The following ENDOV variants were observed in gnomAD, a reference collection of about 807,000 sequenced individuals.
ENDOV encodes endonuclease V.
ENDOV carries 37 observed loss-of-function variants against 39.4 expected under a neutral mutation model. The ratio of observed to expected loss-of-function variants is 0.94; its 90% CI spans 0.72 to 1.23. ENDOV has a LOEUF of 1.23. Ranked by LOEUF, ENDOV falls within the 50% of genes most tolerant of loss-of-function variation. ENDOV has a pLI of 0.00. For synonymous variants in ENDOV, 186 were observed against 163.4 expected (o/e 1.14, Z -1.05); for missense variants, 441 against 375.7 (o/e 1.17, Z -1.44).
At chr17:80,436,040 C>A (rs1332194835) in intron 9 of ENDOV, 93 bp from the exon 10 acceptor site, 1 of 1,408,998 alleles carries the variant, frequency 7.1e-7, no homozygotes, top group Non-Finnish European at 9.9e-7. Flanking sequence ...CAGGCGCGAG[C>A]CACTGCACCT....
chr17:80,415,440 C>CA, intron 1 of ENDOV, 190 bp downstream of exon 1: 2 of 988,680 alleles, frequency 2.0e-6, no homozygotes, highest in Admixed American at 5.7e-5. Flanking sequence ...GGGCGCGGTT[C>CA]TCGCTTCCGG....
At position 80,415,695 on chromosome 17, in the gene ENDOV, G is replaced by A. The variant is rs768921597; in HGVS notation, c.102G>A (p.Glu34=). ...LKAHVVDRDT[E]AWQRDPAFSG... ...CCCACGTCGTAGACCGGGACACCGAGGCGTGGCAGCGAGACCCCGCCTTCT... is the reference window on the plus strand; with the variant it reads ...CCCACGTCGTAGACCGGGACACCGAAGCGTGGCAGCGAGACCCCGCCTTCT... The change falls in exon 2 of 10, where the codon GAG becomes GAA. Residue 34 remains glutamate, a synonymous_variant. Transcript: ENST00000518137. 1.2e-6 allele frequency: 2 copies of A among 1,612,182 alleles called. No homozygotes were observed. The highest frequency in any genetic ancestry group is 1.7e-6 in the Non-Finnish European group (2 of 1,179,218).
At chr17:80,432,773 G>A (rs921848474) in intron 9 of ENDOV, among the ~76,000 whole-genome samples, 21 of 152,048 alleles carry the variant, frequency 1.4e-4, no homozygotes, top group Admixed American at 1.4e-3. Context: ...TCATGGGGGC[G>A]TGTGGGGGTC....
intron 4 of ENDOV, among the ~76,000 whole-genome samples, chr17:80,423,017 T>C (rs546883311): frequency 7.0e-6 from 1 of 142,598 alleles, no homozygotes; most frequent in South Asian, 2.2e-4. Flanking sequence ...TGGGCTCTTT[T>C]ACTGTTACAT....
Position 80,436,361 on chromosome 17 carries a change from G to A in ENDOV, c.*218G>A, listed in dbSNP as rs189489336. The A allele has an allele frequency of 1.7e-5, 26 of 1,498,240 alleles. No homozygotes were observed. The East Asian group carries it at 5.9e-4, about 34-fold the overall frequency. 92.8% of individuals were successfully genotyped at this position (1,498,240 alleles called of 1,614,324 possible). On this transcript the variant is annotated 3_prime_UTR_variant, in exon 10 of 10. Coordinates refer to ENST00000518137, the MANE Select transcript of ENDOV (RefSeq NM_173627.5). ...GTCCTTGTCTTGTTCCTGATCTTAA[G>A]GGAACGTTTGCAGTCTTTCACCACT... is the stretch of plus-strand genomic sequence containing the variant.
intron 9 of ENDOV, among the ~76,000 whole-genome samples, chr17:80,433,912 T>C (rs2083464575): frequency 6.6e-6 from 1 of 152,252 alleles, no homozygotes; most frequent in South Asian, 2.1e-4. Context: ...GTGAGTAGTT[T>C]ATGTTTGTTT....
intron 8 of ENDOV, among the ~76,000 whole-genome samples, chr17:80,428,911 G>A (rs1016580092): frequency 6.6e-6 from 1 of 152,212 alleles, no homozygotes; most frequent in Non-Finnish European, 1.5e-5. Flanking sequence ...CTACGGCCCT[G>A]TCTGGTCCAA....
At chr17:80,436,107 C>G in intron 9 of ENDOV, 26 bp from the exon 10 acceptor site, 1 of 1,609,046 alleles carries the variant, frequency 6.2e-7, no homozygotes, top group Non-Finnish European at 8.5e-7. Flanking sequence ...TTTTTCTTGC[C>G]TCATTGCTCT....
In ENDOV at chr17:80,415,201, C is replaced by T. The variant is rs769015056; in HGVS notation, c.7C>T (p.Leu3=). 4.3e-6 allele frequency: 7 copies of T among 1,613,208 alleles called. No individual in the cohort carries two copies. Among genetic ancestry groups the T allele is most frequent in the East Asian group, 4.5e-5 (2 of 44,880 alleles). The part of the protein sequence containing the change: MA[L]EAAGGPPEET... ...GGGTGCCCGGGACGAAGCCATGGCCCTGGAGGCGGCGGGAGGGCCGCCGGA... is the reference window on the plus strand; with the variant it reads ...GGGTGCCCGGGACGAAGCCATGGCCTTGGAGGCGGCGGGAGGGCCGCCGGA... The change falls in exon 1 of 10, where the codon CTG becomes TTG. Residue 3 remains leucine, a synonymous_variant. Transcript: ENST00000518137.
intron 8 of ENDOV, among the ~76,000 whole-genome samples, chr17:80,429,078 C>CT (rs1055262945): frequency 3.3e-5 from 5 of 152,254 alleles, no homozygotes; most frequent in Non-Finnish European, 7.3e-5. Context: ...CGAGCCTCAG[C>CT]TTCCTCATCG....
chr17:80,430,190 C>T, intron 9 of ENDOV: 2 of 1,481,552 alleles, frequency 1.3e-6, no homozygotes, highest in African/African-American at 2.8e-5. Context: ...CCTCAGAGGA[C>T]AGATCTCTAT....
At chr17:80,436,071 T>C in intron 9 of ENDOV, 62 bp from the exon 10 acceptor site, 1 of 1,583,488 alleles carries the variant, frequency 6.3e-7, no homozygotes, top group Admixed American at 1.7e-5. Flanking sequence ...CACTTCCTCC[T>C]TTCCACTCTG....
chr17:80,419,504 T>C lies in ENDOV; in HGVS notation c.229-2324T>C, dbSNP rs1599324541. ...TCCACAGGCCTGGTGGAGCCTGTTG[T>C]GTGCTGGACGCTGAGCAATGGCTAG... On this transcript the variant is annotated intron_variant, in intron 2 of 9. Coordinates refer to ENST00000518137, the MANE Select transcript of ENDOV (RefSeq NM_173627.5). 6 of 683,984 alleles carry C rather than the reference T, an allele frequency of 8.8e-6. No homozygotes were observed. In the East Asian group the frequency reaches 1.6e-4, roughly 19 times the overall value. The allele number at this position is 683,984 out of a possible 1,614,324, so 42.4% of individuals were successfully genotyped here.
At chr17:80,426,332 G>A (rs2082680480) in intron 7 of ENDOV, among the ~76,000 whole-genome samples, 1 of 152,196 alleles carries the variant, frequency 6.6e-6, no homozygotes, top group Admixed American at 6.5e-5. Context: ...GGACAGCCCT[G>A]GGCAGGAAGG....
chr17:80,424,477 T>C (rs1340724080), intron 5 of ENDOV: 1 of 396,132 alleles, frequency 2.5e-6, no homozygotes, highest in East Asian at 3.6e-5. Flanking sequence ...TTGTTGCCCT[T>C]GTTCTAAGCC....
Position 80,436,547 on chromosome 17 carries a change from A to G in ENDOV, c.*404A>G, listed in dbSNP as rs1189689777. ...TGAAAAGATCCTGTGTTCTTCTGTG[A>G]ATATGAGGTGTTACATTGATTGATT... On this transcript the variant is annotated 3_prime_UTR_variant, in exon 10 of 10. Coordinates refer to ENST00000518137, the MANE Select transcript of ENDOV (RefSeq NM_173627.5). The G allele has an allele frequency of 5.7e-6, 2 of 352,518 alleles. No individual in the cohort carries two copies. Among genetic ancestry groups the G allele is most frequent in the African/African-American group, 4.3e-5 (2 of 46,948 alleles). 21.8% of individuals were successfully genotyped at this position (352,518 alleles called of 1,614,324 possible).
At chr17:80,433,622 C>G (rs2145146877) in intron 9 of ENDOV, among the ~76,000 whole-genome samples, 1 of 152,342 alleles carries the variant, frequency 6.6e-6, no homozygotes, top group Middle Eastern at 3.4e-3. Context: ...AGAAGAAATG[C>G]CCACAACTGC....
rs546329630 is a variant in ENDOV at position 80,429,799 on chromosome 17, C to T, written c.806C>T (p.Ala269Val). The T allele has an allele frequency of 6.2e-7, 1 of 1,611,884 alleles. No homozygotes were observed. The highest frequency in any genetic ancestry group is 1.7e-5 in the Admixed American group (1 of 59,796). Residue 269 changes from alanine (A) to valine (V), a missense_variant, in exon 9 of 10, where the codon GCA becomes GTA. Transcript: ENST00000518137. The stretch of plus-strand genomic sequence containing the variant: ...AGCCCGAAGGCGCAGAGGCCAGTGG[C>T]ATGCCCCAAAGGAGACTCCGGAGAG... ...PRSPKAQRPV[A>V]CPKGDSGESS...
Position 80,415,621 on chromosome 17 carries a change from G to T in ENDOV, c.57-29G>T. ...GAGGCAGAGTCTGAGGTGTGACCCC[G>T]ACCAAGTTTGACGCTTCTGTCCTCC... On this transcript the variant is annotated intron_variant, in intron 1 of 9. Coordinates refer to ENST00000518137, the MANE Select transcript of ENDOV (RefSeq NM_173627.5). The T allele has an allele frequency of 1.9e-6, 3 of 1,605,986 alleles. No homozygotes were observed. The South Asian group carries it at 3.4e-5, about 18-fold the overall frequency.
Sources: gnomAD v4.1 joint callset for allele counts (sites outside exome capture counted in the v4.1 genomes callset) on GRCh38, gnomAD v4.1.1 for gene constraint, MANE v1.5 for transcripts, NCBI Gene and HGNC (gene_info 2026-07-23, HGNC 2026-07-21) for gene names.